VAT1L: variants seen among roughly 807,000 people sequenced by gnomAD.
VAT1L encodes vesicle amine transport 1 like.
A neutral mutation model predicts 44.1 loss-of-function variants in VAT1L; 34 were observed. The observed-to-expected ratio is 0.77, with a 90% CI of 0.59 to 1.03. The LOEUF (loss-of-function observed/expected upper bound fraction) is 1.03. VAT1L is among the 50% of genes least tolerant of loss of function. The pLI, the probability that VAT1L is intolerant of heterozygous loss-of-function variation, is 0.00. For synonymous variants in VAT1L, 253 were observed against 202.2 expected (o/e 1.25, Z -2.13); for missense variants, 615 against 538.8 (o/e 1.14, Z -1.40).
chr16:77,795,494 G>T (rs1327321110), intron 1 of VAT1L, among the ~76,000 whole-genome samples: 1 of 152,162 alleles, frequency 6.6e-6, no homozygotes. Context: ...ACTTCTGATG[G>T]CTTGTTTGTA....
In VAT1L at chr16:77,816,433, G is replaced by A. The variant is rs556775684; in HGVS notation, c.234-488G>A. Among the ~76,000 whole-genome samples the A allele has an allele frequency of 2.4e-4, 36 of 152,322 alleles. No individual in the cohort carries two copies. In the South Asian group the frequency reaches 6.4e-3, roughly 27 times the overall value. Reference sequence around the variant, plus strand: ...GTGTGTGTGATGATTGAGGAGAGGTGGTTGGTTGTTTTGAGACCTTAGGTC... The same window carrying A: ...GTGTGTGTGATGATTGAGGAGAGGTAGTTGGTTGTTTTGAGACCTTAGGTC... On this transcript the variant is annotated intron_variant, in intron 1 of 8. Coordinates refer to ENST00000302536, the MANE Select transcript of VAT1L (RefSeq NM_020927.3).
intron 7 of VAT1L, among the ~76,000 whole-genome samples, chr16:77,968,485 G>A (rs1308649910): frequency 1.3e-5 from 2 of 152,156 alleles, no homozygotes; most frequent in Non-Finnish European, 2.9e-5. Context: ...CAGCACTTTG[G>A]GAGGCCAAGG....
At chr16:77,923,249 G>C (rs548515634) in intron 7 of VAT1L, among the ~76,000 whole-genome samples, 1 of 152,306 alleles carries the variant, frequency 6.6e-6, no homozygotes, top group East Asian at 1.9e-4. Flanking sequence ...AGGAAATCGA[G>C]ACCATCCTGG....
rs145833120 is a variant in VAT1L at position 77,903,664 on chromosome 16, T to A, written c.1077+18862T>A. The stretch of plus-strand genomic sequence containing the variant: ...CTTGGGTGTTTTCTATTTTTAGAAA[T>A]AATTATTCAATGCCACGTGATTTTA... On this transcript the variant is annotated intron_variant, in intron 7 of 8. Coordinates refer to ENST00000302536, the MANE Select transcript of VAT1L (RefSeq NM_020927.3). Among the ~76,000 whole-genome samples the A allele has an allele frequency of 3.9e-5, 6 of 152,010 alleles. No individual in the cohort carries two copies. In the East Asian group the frequency reaches 9.7e-4, roughly 25 times the overall value.
At chr16:77,903,680 C>T (rs148554981) in intron 7 of VAT1L, among the ~76,000 whole-genome samples, 2 of 150,012 alleles carry the variant, frequency 1.3e-5, no homozygotes, top group East Asian at 2.0e-4. Flanking sequence ...TTCAATGCCA[C>T]GTGATTTTAA....
At chr16:77,913,608 C>A (rs776787280) in intron 7 of VAT1L, among the ~76,000 whole-genome samples, 10 of 152,018 alleles carry the variant, frequency 6.6e-5, no homozygotes, top group African/African-American at 2.4e-4. Flanking sequence ...TCTCCTTGAC[C>A]GCTTTATCTT....
intron 7 of VAT1L, among the ~76,000 whole-genome samples, chr16:77,952,669 C>T (rs2018057354): frequency 6.6e-6 from 1 of 151,954 alleles, no homozygotes; most frequent in South Asian, 2.1e-4. Context: ...CCAGCCTGGT[C>T]ACCATGGCAA....
intron 7 of VAT1L, among the ~76,000 whole-genome samples, chr16:77,970,145 A>G (rs2142543425): frequency 6.7e-6 from 1 of 150,340 alleles, no homozygotes; most frequent in Admixed American, 6.6e-5. Context: ...CTGACGTGGG[A>G]GCATTGCTTG....
chr16:77,836,260 A>G (rs1039654574), intron 3 of VAT1L, among the ~76,000 whole-genome samples: 7 of 152,146 alleles, frequency 4.6e-5, no homozygotes, highest in African/African-American at 1.7e-4. Context: ...CAGTGGCCTC[A>G]GAAACACCTG....
At chr16:77,930,645 G>C (rs1417034368) in intron 7 of VAT1L, among the ~76,000 whole-genome samples, 1 of 152,146 alleles carries the variant, frequency 6.6e-6, no homozygotes, top group South Asian at 2.1e-4. Flanking sequence ...ATCATCATTT[G>C]GTGGTTGGAT....
intron 7 of VAT1L, among the ~76,000 whole-genome samples, chr16:77,903,553 T>G (rs1239704068): frequency 6.6e-6 from 1 of 152,070 alleles, no homozygotes; most frequent in Non-Finnish European, 1.5e-5. Flanking sequence ...TGTACAAAAA[T>G]GGAAAAATCA....
intron 7 of VAT1L, among the ~76,000 whole-genome samples, chr16:77,906,319 C>G (rs1444513607): frequency 2.6e-5 from 4 of 152,160 alleles, no homozygotes; most frequent in Non-Finnish European, 5.9e-5. Flanking sequence ...ATCACCAGGT[C>G]TGGGGAAAAC....
At chr16:77,865,645 T>C (rs2016966033) in intron 4 of VAT1L, among the ~76,000 whole-genome samples, 1 of 152,178 alleles carries the variant, frequency 6.6e-6, no homozygotes, top group Non-Finnish European at 1.5e-5. Flanking sequence ...AGAAACACTG[T>C]CAATCGCAGA....
intron 2 of VAT1L, among the ~76,000 whole-genome samples, chr16:77,824,811 T>C (rs1482376717): frequency 6.7e-6 from 1 of 149,960 alleles, no homozygotes; most frequent in East Asian, 2.0e-4. Flanking sequence ...TTCTCAAGTG[T>C]ATGAGTCAGG....
At chr16:77,845,336 G>T (rs2016747806) in intron 3 of VAT1L, among the ~76,000 whole-genome samples, 1 of 152,176 alleles carries the variant, frequency 6.6e-6, no homozygotes, top group Non-Finnish European at 1.5e-5. Flanking sequence ...GAGTGTGGCA[G>T]TATGTTCCTG....
Position 77,797,068 on chromosome 16 carries a change from C to T in VAT1L, c.233+8153C>T. 1.3e-5 allele frequency among the ~76,000 whole-genome samples: 2 copies of T among 151,766 alleles called. 1 individual carries two copies. Among genetic ancestry groups the T allele is most frequent in the Non-Finnish European group, 2.9e-5 (2 of 68,016 alleles). ...GGTGCACTAAAGGCCCGGATTTCACCATTACATAGTATATCCACTCAACAA... is the reference window on the plus strand; with the variant it reads ...GGTGCACTAAAGGCCCGGATTTCACTATTACATAGTATATCCACTCAACAA... On this transcript the variant is annotated intron_variant, in intron 1 of 8. Transcript: ENST00000302536.
chr16:77,957,333 A>T (rs1184545772), intron 7 of VAT1L, among the ~76,000 whole-genome samples: 1 of 152,234 alleles, frequency 6.6e-6, no homozygotes, highest in Non-Finnish European at 1.5e-5. Context: ...AGGCAATTAC[A>T]TCATTAGTAA....
intron 7 of VAT1L, among the ~76,000 whole-genome samples, chr16:77,918,401 C>A (rs376978970): frequency 6.6e-6 from 1 of 152,172 alleles, no homozygotes; most frequent in South Asian, 2.1e-4. Flanking sequence ...TTCTTCCCCC[C>A]AAAAGTCTCT....
intron 1 of VAT1L, among the ~76,000 whole-genome samples, chr16:77,813,086 G>A (rs2016292596): frequency 6.6e-6 from 1 of 151,932 alleles, no homozygotes. Context: ...TTCTAACTAA[G>A]AATCAGATTA....
Sources: gnomAD v4.1 joint callset for allele counts (sites outside exome capture counted in the v4.1 genomes callset) on GRCh38, gnomAD v4.1.1 for gene constraint, MANE v1.5 for transcripts, NCBI Gene and HGNC (gene_info 2026-07-23, HGNC 2026-07-21) for gene names.